Variants in OSBPL10 observed in about 807,000 individuals in gnomAD.
OSBPL10 encodes the protein oxysterol-binding protein-related protein 10.
A neutral mutation model predicts 81.7 loss-of-function variants in OSBPL10; 49 were observed. The ratio of observed to expected loss-of-function variants is 0.60; its 90% CI spans 0.48 to 0.76. OSBPL10 has a LOEUF of 0.76. OSBPL10 is among the 30% of genes least tolerant of loss of function. OSBPL10 has a pLI of 0.00. For synonymous variants in OSBPL10, 419 were observed against 383.6 expected (o/e 1.09, Z -1.08); for missense variants, 923 against 987.8 (o/e 0.93, Z 0.88).
At chr3:32,020,581 T>C (rs1374179938) in intron 2 of OSBPL10, among the ~76,000 whole-genome samples, 1 of 152,240 alleles carries the variant, frequency 6.6e-6, no homozygotes, top group East Asian at 1.9e-4. Context: ...TTTCAAATAA[T>C]GCTGCTATGA....
chr3:31,909,260 G>C (rs1559513896), intron 1 of OSBPL10, among the ~76,000 whole-genome samples: 2 of 152,150 alleles, frequency 1.3e-5, no homozygotes, highest in African/African-American at 2.4e-5. Context: ...AAGGCCATCG[G>C]TAATTTTATC....
At chr3:31,721,233 C>G (rs1361493789) in intron 6 of OSBPL10, among the ~76,000 whole-genome samples, 1 of 152,208 alleles carries the variant, frequency 6.6e-6, no homozygotes, top group East Asian at 1.9e-4. Context: ...GTTCAGAAAG[C>G]AACACAGCCC....
intron 2 of OSBPL10, among the ~76,000 whole-genome samples, chr3:31,877,813 G>C (rs566102206): frequency 1.3e-5 from 2 of 152,292 alleles, no homozygotes; most frequent in Non-Finnish European, 2.9e-5. Flanking sequence ...GTGTGTACCA[G>C]GTGTAATGAA....
At chr3:31,750,822 T>C (rs1697691860) in intron 4 of OSBPL10, among the ~76,000 whole-genome samples, 2 of 152,194 alleles carry the variant, frequency 1.3e-5, no homozygotes, top group Admixed American at 1.3e-4. Context: ...AACTATACGG[T>C]ATATACTCAT....
At chr3:31,665,891 A>G (rs1422574993) in intron 10 of OSBPL10, among the ~76,000 whole-genome samples, 1 of 152,134 alleles carries the variant, frequency 6.6e-6, no homozygotes, top group African/African-American at 2.4e-5. Flanking sequence ...AGTGGCCCCA[A>G]GAGTAGAGGG....
chr3:31,947,904 T>C (rs1377264642), intron 1 of OSBPL10, among the ~76,000 whole-genome samples: 1 of 151,140 alleles, frequency 6.6e-6, no homozygotes. Context: ...CTCCGTCTGA[T>C]CCCACAAAAA....
In OSBPL10 at chr3:31,899,337, A is replaced by C. The variant is rs946131095; in HGVS notation, c.282-19507T>G. 5.3e-5 allele frequency among the ~76,000 whole-genome samples: 8 copies of C among 152,232 alleles called. 1 individual carries two copies. The South Asian group carries it at 1.7e-3, about 32-fold the overall frequency. On this transcript the variant is annotated intron_variant, in intron 1 of 11. Coordinates refer to ENST00000396556, the MANE Select transcript of OSBPL10 (RefSeq NM_017784.5). ...AAATTCCAAAAGAGTAAGAAGAAAA[A>C]AATAGAATATAAACAAAAGAATAAA...
At chr3:31,717,884 C>T (rs1696499953) in intron 6 of OSBPL10, among the ~76,000 whole-genome samples, 1 of 152,168 alleles carries the variant, frequency 6.6e-6, no homozygotes, top group Non-Finnish European at 1.5e-5. Context: ...CTCTCAAATG[C>T]TTCATTCAGT....
chr3:31,987,133 C>CAT (rs1214239791), intron 2 of OSBPL10, among the ~76,000 whole-genome samples: 1 of 144,928 alleles, frequency 6.9e-6, no homozygotes, highest in Non-Finnish European at 1.5e-5. Flanking sequence ...CACACACACA[C>CAT]ATATATATAC....
At chr3:31,684,707 G>A (rs538927595) in intron 7 of OSBPL10, among the ~76,000 whole-genome samples, 1 of 152,342 alleles carries the variant, frequency 6.6e-6, no homozygotes, top group East Asian at 1.9e-4. Context: ...CCCAGCTCCA[G>A]GACGGGGCAG....
chr3:31,748,757 T>C (rs1697621080), intron 4 of OSBPL10, among the ~76,000 whole-genome samples: 1 of 152,006 alleles, frequency 6.6e-6, no homozygotes, highest in Non-Finnish European at 1.5e-5. Context: ...GCTTAAGCTA[T>C]GGCAAATAAT....
chr3:31,895,497 T>TA (rs1696029226), intron 1 of OSBPL10, among the ~76,000 whole-genome samples: 1 of 151,948 alleles, frequency 6.6e-6, no homozygotes, highest in Non-Finnish European at 1.5e-5. Flanking sequence ...ACTCAGAATC[T>TA]CTGGGGATGA....
At chr3:31,734,284 C>T (rs894083791) in intron 5 of OSBPL10, among the ~76,000 whole-genome samples, 3 of 152,138 alleles carry the variant, frequency 2.0e-5, no homozygotes, top group Admixed American at 6.5e-5. Context: ...AACCATTTTT[C>T]GAATCCTCCA....
intron 4 of OSBPL10, among the ~76,000 whole-genome samples, chr3:31,806,878 A>G (rs567843339): frequency 3.3e-5 from 5 of 152,174 alleles, no homozygotes; most frequent in African/African-American, 1.2e-4. Flanking sequence ...TGTTCTAGGA[A>G]CAGCAGACCT....
intron 1 of OSBPL10, among the ~76,000 whole-genome samples, chr3:31,940,769 G>T (rs13099690): frequency 0.21 from 31,444 of 151,738 alleles, 3,789 homozygotes; most frequent in Non-Finnish European, 0.28. Flanking sequence ...CAGCGTAGAT[G>T]TTACTACTGC....
Position 31,661,297 on chromosome 3 carries a change from G to T in OSBPL10, c.*775C>A, listed in dbSNP as rs1700066346. 6.6e-6 allele frequency: 1 copy of T among 152,192 alleles called. No homozygotes were observed. The highest frequency in any genetic ancestry group is 6.5e-5 in the Admixed American group (1 of 15,274). The allele number at this position is 152,192 out of a possible 1,614,324, so 9.4% of individuals were successfully genotyped here. ...TCTAAAGCCCTTTTTCATCACAAAAGAAGTCTCCATATGATTGACTGGTTT... is the reference window on the plus strand; with the variant it reads ...TCTAAAGCCCTTTTTCATCACAAAATAAGTCTCCATATGATTGACTGGTTT... On this transcript the variant is annotated 3_prime_UTR_variant, in exon 12 of 12. Coordinates refer to ENST00000396556, the MANE Select transcript of OSBPL10 (RefSeq NM_017784.5).
intron 1 of OSBPL10, among the ~76,000 whole-genome samples, chr3:31,892,936 C>T (rs868788489): frequency 1.3e-5 from 2 of 152,116 alleles, no homozygotes; most frequent in Non-Finnish European, 1.5e-5. Flanking sequence ...TATCTGTTAA[C>T]CGGTGGTTGA....
chr3:31,693,467 T>C (rs904880126), intron 7 of OSBPL10, among the ~76,000 whole-genome samples: 22 of 152,122 alleles, frequency 1.4e-4, no homozygotes, highest in Admixed American at 1.0e-3. Flanking sequence ...AACGCAGCAA[T>C]GTGGTAGAAT....
intron 3 of OSBPL10, among the ~76,000 whole-genome samples, chr3:31,866,707 G>T (rs755787990): frequency 5.5e-4 from 83 of 152,270 alleles, no homozygotes; most frequent in Non-Finnish European, 1.1e-3. Flanking sequence ...GCTAGAAGGG[G>T]TGAGGAAGAG....
Sources: gnomAD v4.1 joint callset for allele counts (sites outside exome capture counted in the v4.1 genomes callset) on GRCh38, gnomAD v4.1.1 for gene constraint, MANE v1.5 for transcripts, NCBI Gene and HGNC (gene_info 2026-07-23, HGNC 2026-07-21) for gene names.